The following SIAH1 variants were observed in gnomAD, a reference collection of about 807,000 sequenced individuals.
The protein encoded by SIAH1 is E3 ubiquitin-protein ligase SIAH1.
In SIAH1, 2 loss-of-function variants were observed where a neutral mutation model predicts 20.0. That is an observed-to-expected ratio of 0.10 (90% CI 0.04 to 0.31). The LOEUF (loss-of-function observed/expected upper bound fraction) is 0.31, where lower values mean the gene tolerates loss of function less well. Ranked by LOEUF, SIAH1 falls within the 10% of genes least tolerant of loss-of-function variation. The probability of loss-of-function intolerance (pLI) is 1.00; values close to 1 mark genes in which losing one functional copy is unlikely to be tolerated. For missense variants in SIAH1, 119 were observed against 355.3 expected, an observed-to-expected ratio of 0.33 and a Z score of 5.35; for synonymous variants, 118 against 125.3, an observed-to-expected ratio of 0.94 and a Z score of 0.39.
At chr16:48,376,402 T>G (rs1198276379) in intron 1 of SIAH1, among the ~76,000 whole-genome samples, 2 of 152,144 alleles carry the variant, frequency 1.3e-5, no homozygotes, top group African/African-American at 2.4e-5. Context: ...ATTCCTCAAA[T>G]AGATGGATAC....
At chr16:48,366,701 A>G (rs1960850797) in intron 1 of SIAH1, among the ~76,000 whole-genome samples, 1 of 152,178 alleles carries the variant, frequency 6.6e-6, no homozygotes. Context: ...CAGCCTCAAA[A>G]TGCAGCAAGA....
chr16:48,384,049 A>AGT (rs1374014896), intron 1 of SIAH1, among the ~76,000 whole-genome samples: 5 of 152,250 alleles, frequency 3.3e-5, no homozygotes, highest in African/African-American at 1.2e-4. Flanking sequence ...AGCACAGAGA[A>AGT]GTATCTGCCC....
intron 1 of SIAH1, among the ~76,000 whole-genome samples, chr16:48,382,920 ATT>A (rs547559906): frequency 3.7e-3 from 562 of 152,290 alleles, no homozygotes; most frequent in African/African-American, 0.013. Context: ...TGAAAATCCT[ATT>A]TGTTATTTTA....
chr16:48,371,095 C>G lies in SIAH1; in HGVS notation c.-2-8665G>C, dbSNP rs1023645068. Among the ~76,000 whole-genome samples the G allele has an allele frequency of 4.8e-5, 5 of 103,538 alleles. No homozygotes were observed. The South Asian group carries it at 1.5e-3, about 32-fold the overall frequency. 67.9% of individuals were successfully genotyped at this position (103,538 alleles called of 152,430 possible). Reference sequence around the variant, plus strand: ...TGCCATTGCACTCCAGTCTGGGCAACAAGAGTGAAATTCCATCTCAAAAAA... The same window carrying G: ...TGCCATTGCACTCCAGTCTGGGCAAGAAGAGTGAAATTCCATCTCAAAAAA... On this transcript the variant is annotated intron_variant, in intron 1 of 1. Transcript: ENST00000394725.
At chr16:48,374,956 G>A (rs1023606284) in intron 1 of SIAH1, among the ~76,000 whole-genome samples, 3 of 152,120 alleles carry the variant, frequency 2.0e-5, no homozygotes, top group African/African-American at 7.2e-5. Context: ...AACAAAGAAA[G>A]CCAAAAACTG....
chr16:48,374,664 T>C lies in SIAH1; in HGVS notation c.-3+10540A>G, dbSNP rs564498412. Among the ~76,000 whole-genome samples, 30 of 152,222 alleles carry C rather than the reference T, an allele frequency of 2.0e-4. No individual in the cohort carries two copies. The East Asian group carries it at 5.0e-3, about 26-fold the overall frequency. Reference sequence around the variant, plus strand: ...CATCCAAACAACCTGATGGAACATTTAGACAAGCGGCAAGGAATGTGAGGT... The same window carrying C: ...CATCCAAACAACCTGATGGAACATTCAGACAAGCGGCAAGGAATGTGAGGT... On this transcript the variant is annotated intron_variant, in intron 1 of 1. Transcript: ENST00000394725.
chr16:48,387,238 G>C (rs550593098), upstream of SIAH1: 13 of 152,276 alleles, frequency 8.5e-5, no homozygotes, highest in African/African-American at 3.1e-4. Flanking sequence ...CTCTAGAAGA[G>C]TCCAAGTTAC....
intron 1 of SIAH1, among the ~76,000 whole-genome samples, chr16:48,380,545 CAA>C (rs1187230804): frequency 2.0e-5 from 3 of 151,964 alleles, no homozygotes; most frequent in Non-Finnish European, 4.4e-5. Flanking sequence ...AACTCCCCAC[CAA>C]AGAGATATAC....
intron 1 of SIAH1, among the ~76,000 whole-genome samples, chr16:48,366,334 T>G (rs1960840627): frequency 6.6e-6 from 1 of 152,208 alleles, no homozygotes; most frequent in East Asian, 1.9e-4. Flanking sequence ...TCTCCCTAAT[T>G]CATTCAACGG....
chr16:48,380,928 CA>C (rs59376248), intron 1 of SIAH1, among the ~76,000 whole-genome samples: 34 of 44,950 alleles, frequency 7.6e-4, no homozygotes, highest in Admixed American at 5.1e-3. Context: ...GACTCCGTCT[CA>C]AAAAAAAAAA....
rs557307574 is a variant in SIAH1, at chr16:48,384,551, C to G, written c.-3+653G>C. On this transcript the variant is annotated intron_variant, in intron 1 of 1. Coordinates refer to ENST00000394725, the MANE Select transcript of SIAH1 (RefSeq NM_003031.4). ...GTTCACGCGCTCTCCTCTCTAACGACATAAACAAGGGAGGAGGCTGCATTC... is the reference window on the plus strand; with the variant it reads ...GTTCACGCGCTCTCCTCTCTAACGAGATAAACAAGGGAGGAGGCTGCATTC... Among the ~76,000 whole-genome samples the G allele has an allele frequency of 9.2e-5, 14 of 152,266 alleles. No individual in the cohort carries two copies. The South Asian group carries it at 2.7e-3, about 29-fold the overall frequency.
chr16:48,365,806 TCCA>T, intron 1 of SIAH1: 1 of 1,261,576 alleles, frequency 7.9e-7, no homozygotes, highest in Non-Finnish European at 1.0e-6. Flanking sequence ...CCTGCCCAGC[TCCA>T]GTGGAGGCCA....
Position 48,361,400 on chromosome 16 carries a change from AAATATAT to A in SIAH1, c.*173_*179del. ...AGTGGTTTACTGTTGACTTATTTTT[AAATATAT>A]TAGTGTTACTACATGCAACTGTTTC... is the stretch of plus-strand genomic sequence containing the variant. On this transcript the variant is annotated 3_prime_UTR_variant, in exon 2 of 2. Transcript: ENST00000394725. 1.7e-6 allele frequency: 1 copy of A among 581,028 alleles called. No individual in the cohort carries two copies. The highest frequency in any genetic ancestry group is 3.0e-6 in the Non-Finnish European group (1 of 331,762). The allele number at this position is 581,028 out of a possible 1,614,324, so 36.0% of individuals were successfully genotyped here. A position where few individuals can be genotyped will look rare whatever the true frequency, so the allele number is the denominator to read the frequency against.
Position 48,385,239 on chromosome 16 carries a change from G to T in SIAH1, c.-38C>A. The T allele has an allele frequency of 3.1e-6, 1 of 326,460 alleles. No individual in the cohort carries two copies. The highest frequency in any genetic ancestry group is 2.1e-5 in the South Asian group (1 of 48,480). 20.2% of individuals were successfully genotyped at this position (326,460 alleles called of 1,614,324 possible). A position where few individuals can be genotyped will look rare whatever the true frequency, so the allele number is the denominator to read the frequency against. ...AGAGCGCGCCTCGGACCCCGGTCCT[G>T]GCACCAACGCGCTCCGTCGCCAACC... On this transcript the variant is annotated 5_prime_UTR_variant, in exon 1 of 2. Transcript: ENST00000394725.
chr16:48,361,232 C>G lies in SIAH1; in HGVS notation c.*348G>C. On this transcript the variant is annotated 3_prime_UTR_variant, in exon 2 of 2. Transcript: ENST00000394725. ...AAACCCAAACACGCACACACCCACG[C>G]AGGCACACACTCCCACGCAAAAACA... 3.9e-6 allele frequency: 1 copy of G among 257,464 alleles called. No homozygotes were observed. 15.9% of individuals were successfully genotyped at this position (257,464 alleles called of 1,614,324 possible).
intron 1 of SIAH1, among the ~76,000 whole-genome samples, chr16:48,380,941 A>AAAAAAAAAAAAAAAAAAAAAAC (rs1961267126): frequency 6.7e-6 from 1 of 150,106 alleles, no homozygotes; most frequent in Admixed American, 6.6e-5. Context: ...AAAAAAAAAA[A>AAAAAAAAAAAAAAAAAAAAAAC]AAAAGAACGG....
intron 1 of SIAH1, chr16:48,365,435 C>T (rs1444632632): frequency 1.2e-6 from 2 of 1,613,882 alleles, no homozygotes; most frequent in Admixed American, 1.7e-5. Flanking sequence ...AACAAGACTC[C>T]CCTCCAGGAG....
At chr16:48,376,732 A>C (rs1961119201) in intron 1 of SIAH1, among the ~76,000 whole-genome samples, 1 of 152,194 alleles carries the variant, frequency 6.6e-6, no homozygotes. Context: ...AAAAGAATAC[A>C]GTCTGCAAAA....
At chr16:48,366,380 T>A (rs1286875363) in intron 1 of SIAH1, among the ~76,000 whole-genome samples, 2 of 152,198 alleles carry the variant, frequency 1.3e-5, no homozygotes, top group African/African-American at 4.8e-5. Flanking sequence ...ATTTCCTCAA[T>A]TCTAGCTCAC....
Sources: gnomAD v4.1 joint callset for allele counts (sites outside exome capture counted in the v4.1 genomes callset) on GRCh38, gnomAD v4.1.1 for gene constraint, MANE v1.5 for transcripts, NCBI Gene and HGNC (gene_info 2026-07-23, HGNC 2026-07-21) for gene names.